The following SYNPR variants were observed in gnomAD, a reference collection of about 807,000 sequenced individuals.
SYNPR encodes synaptoporin.
In SYNPR, 23 loss-of-function variants were observed where a neutral mutation model predicts 32.9. That is an observed-to-expected ratio of 0.70 (90% CI 0.50 to 0.99). The LOEUF (loss-of-function observed/expected upper bound fraction) is 0.99. SYNPR is among the 50% of genes least tolerant of loss of function. The probability of loss-of-function intolerance (pLI) is 0.00; values close to 1 mark genes in which losing one functional copy is unlikely to be tolerated. For synonymous variants in SYNPR, 146 were observed against 135.9 expected, an observed-to-expected ratio of 1.07 and a Z score of -0.52; for missense variants, 318 against 349.3, an observed-to-expected ratio of 0.91 and a Z score of 0.71.
At chr3:63,502,422 C>G (rs1405712940) in intron 3 of SYNPR, among the ~76,000 whole-genome samples, 1 of 152,032 alleles carries the variant, frequency 6.6e-6, no homozygotes, top group African/African-American at 2.4e-5. Context: ...CACAGTTTAC[C>G]TCAGGGTTCA....
At chr3:63,544,188 G>A (rs184797824) in intron 3 of SYNPR, among the ~76,000 whole-genome samples, 157 of 152,190 alleles carry the variant, frequency 1.0e-3, no homozygotes, top group Admixed American at 2.7e-3. Flanking sequence ...AAGATTGTGT[G>A]ATTAATCTCC....
intron 2 of SYNPR, among the ~76,000 whole-genome samples, chr3:63,376,524 T>A (rs530769451): frequency 1.6e-4 from 24 of 152,130 alleles, no homozygotes; most frequent in Non-Finnish European, 3.1e-4. Context: ...TCTTTTTGTC[T>A]CTGTAAAGGG....
At chr3:63,393,638 C>G (rs2088173664) in intron 2 of SYNPR, among the ~76,000 whole-genome samples, 2 of 151,554 alleles carry the variant, frequency 1.3e-5, no homozygotes. Context: ...GCTGGGACTG[C>G]AGGTGTGCTC....
intron 3 of SYNPR, among the ~76,000 whole-genome samples, chr3:63,483,620 C>T (rs563476249): frequency 2.0e-5 from 3 of 152,092 alleles, no homozygotes; most frequent in East Asian, 3.9e-4. Flanking sequence ...TTTAAAAACG[C>T]TCTTTAAAAA....
At chr3:63,423,777 T>A (rs1411949314) in intron 2 of SYNPR, 1 of 152,236 alleles carries the variant, frequency 6.6e-6, no homozygotes, top group Non-Finnish European at 1.5e-5. Flanking sequence ...TATAAGCCAA[T>A]GCAACATTCT....
intron 3 of SYNPR, among the ~76,000 whole-genome samples, chr3:63,269,648 T>G (rs1036501733): frequency 6.6e-6 from 1 of 152,226 alleles, no homozygotes; most frequent in African/African-American, 2.4e-5. Context: ...AGGTAAGCCT[T>G]TTGTAAGGAC....
intron 4 of SYNPR, among the ~76,000 whole-genome samples, chr3:63,588,065 A>C (rs773667088): frequency 6.6e-6 from 1 of 152,100 alleles, no homozygotes; most frequent in African/African-American, 2.4e-5. Flanking sequence ...TTAATTATCC[A>C]TGCTTCTATT....
chr3:63,564,953 G>A (rs1702757187), intron 4 of SYNPR, among the ~76,000 whole-genome samples: 1 of 152,170 alleles, frequency 6.6e-6, no homozygotes, highest in Admixed American at 6.5e-5. Context: ...CCTTTGGTGG[G>A]CTGGTGGAAA....
At chr3:63,262,756 T>C (rs1274243373) in intron 2 of SYNPR, among the ~76,000 whole-genome samples, 1 of 152,118 alleles carries the variant, frequency 6.6e-6, no homozygotes, top group African/African-American at 2.4e-5. Flanking sequence ...GGTCCAAGTA[T>C]ATCCAAGGAA....
chr3:63,471,913 A>G (rs538251819), intron 2 of SYNPR, among the ~76,000 whole-genome samples: 20 of 152,272 alleles, frequency 1.3e-4, no homozygotes, highest in Admixed American at 1.1e-3. Flanking sequence ...GTGGCTGACA[A>G]TTAGGAGGAG....
intron 2 of SYNPR, among the ~76,000 whole-genome samples, chr3:63,437,588 A>C (rs1481491751): frequency 1.4e-5 from 2 of 146,058 alleles, no homozygotes; most frequent in East Asian, 4.5e-4. Context: ...AGTGAGAGAG[A>C]GAGAGAAAGA....
At chr3:63,574,579 C>CA (rs1330841975) in intron 4 of SYNPR, among the ~76,000 whole-genome samples, 1 of 152,040 alleles carries the variant, frequency 6.6e-6, no homozygotes, top group Non-Finnish European at 1.5e-5. Context: ...TTATCTGGTC[C>CA]AAAATGTCAA....
At chr3:63,201,096 C>A in the SYNPR span, among the ~76,000 whole-genome samples, 4 of 152,178 alleles carry the variant, frequency 2.6e-5, no homozygotes, top group Non-Finnish European at 4.4e-5. Flanking sequence ...ATCCTTTAAA[C>A]TTCCCTAAAA....
intron 3 of SYNPR, among the ~76,000 whole-genome samples, chr3:63,521,701 G>A (rs2106773474): frequency 6.6e-6 from 1 of 152,292 alleles, no homozygotes; most frequent in Non-Finnish European, 1.5e-5. Flanking sequence ...ATTGGATCAG[G>A]CAAATCTGGA....
chr3:63,390,839 C>CTG (rs2088123375), intron 2 of SYNPR, among the ~76,000 whole-genome samples: 1 of 152,164 alleles, frequency 6.6e-6, no homozygotes, highest in East Asian at 1.9e-4. Flanking sequence ...CTCTGCTTTC[C>CTG]TGTATTCATT....
chr3:63,406,810 C>T (rs1342835978), intron 2 of SYNPR, among the ~76,000 whole-genome samples: 2 of 152,106 alleles, frequency 1.3e-5, no homozygotes, highest in Non-Finnish European at 1.5e-5. Context: ...CTATTAACTT[C>T]AGAGGCCCAC....
chr3:63,436,494 AC>A (rs1700087589), intron 2 of SYNPR, among the ~76,000 whole-genome samples: 1 of 151,820 alleles, frequency 6.6e-6, no homozygotes, highest in African/African-American at 2.4e-5. Context: ...GATATGTAAA[AC>A]CTGAGTCGCC....
Position 63,261,223 on chromosome 3 carries a change from C to T in SYNPR, n.155-6094C>T, listed in dbSNP as rs1176662245. 5.3e-5 allele frequency among the ~76,000 whole-genome samples: 8 copies of T among 152,194 alleles called. No individual in the cohort carries two copies. In the East Asian group the frequency reaches 1.6e-3, roughly 30 times the overall value. On this transcript the variant is annotated intron_variant and non_coding_transcript_variant, in intron 2 of 4. Coordinates refer to the SYNPR transcript ENST00000478456. Reference sequence around the variant, plus strand: ...CAGCCATCCCATTACTGGGTATATACCCAAAGGACTATAAACCATGCTGCT... The same window carrying T: ...CAGCCATCCCATTACTGGGTATATATCCAAAGGACTATAAACCATGCTGCT...
At chr3:63,224,544 G>A (rs569697821), upstream of SYNPR, among the ~76,000 whole-genome samples, 24 of 152,294 alleles carry the variant, frequency 1.6e-4, no homozygotes, top group African/African-American at 5.5e-4. Context: ...GTGAAATAAA[G>A]GGACAACCTA....
Sources: allele counts gnomAD v4.1 joint callset (sites outside exome capture counted in the v4.1 genomes callset), GRCh38; gene constraint gnomAD v4.1.1; transcripts MANE v1.5; gene names NCBI Gene and HGNC (gene_info 2026-07-23, HGNC 2026-07-21).